HERC1: variants seen among roughly 807,000 people sequenced by gnomAD.
HERC1 encodes the protein probable E3 ubiquitin-protein ligase HERC1.
HERC1 carries 160 observed loss-of-function variants against 554.3 expected under a neutral mutation model. That is an observed-to-expected ratio of 0.29 (90% confidence interval 0.25 to 0.33). The LOEUF is 0.33. HERC1 is among the 10% of genes least tolerant of loss of function. HERC1 has a pLI of 1.00. For missense variants in HERC1, 4,919 were observed against 5,918.5 expected, an observed-to-expected ratio of 0.83 and a Z score of 5.54; for synonymous variants, 2,175 against 2,131.7, an observed-to-expected ratio of 1.02 and a Z score of -0.56.
intron 2 of HERC1, among the ~76,000 whole-genome samples, chr15:63,767,620 C>T (rs532627546): frequency 2.3e-4 from 35 of 152,194 alleles, no homozygotes; most frequent in African/African-American, 7.7e-4. Flanking sequence ...ATCACTTGAA[C>T]CCAGGAGGCG....
In HERC1 at chr15:63,734,507, T is replaced by G; in HGVS notation, c.2646+217A>C. On this transcript the variant is annotated intron_variant, in intron 13 of 77. Transcript: ENST00000443617. This position sits in a 1 kb window ranked among gnomAD's most constrained non-coding sequence, Gnocchi z 4.6. ...GTACCATAAGAAACACTGGAAAAAT[T>G]AGTCCTTATTTTAATAATTAGCCCC... is the stretch of plus-strand genomic sequence containing the variant. 5.8e-6 allele frequency: 2 copies of G among 346,334 alleles called. No individual in the cohort carries two copies. Among genetic ancestry groups the G allele is most frequent in the Non-Finnish European group, 1.0e-5 (2 of 192,526 alleles). The allele number at this position is 346,334 out of a possible 1,614,324, so 21.5% of individuals were successfully genotyped here.
rs370369189 is a variant in HERC1, at chr15:63,674,713, A to G, written c.7475T>C (p.Met2492Thr). The G allele has an allele frequency of 2.2e-5, 35 of 1,613,584 alleles. No individual in the cohort carries two copies. The highest frequency in any genetic ancestry group is 2.9e-5 in the Non-Finnish European group (34 of 1,179,762). Residue 2492 changes from methionine (M) to threonine (T), a missense_variant, in exon 38 of 78, where the codon ATG (methionine) becomes ACG (threonine). Transcript: ENST00000443617. Reference protein sequence around the residue: ...TEGKRKNHEHMSKNHDVAQSE... With the variant: ...TEGKRKNHEHTSKNHDVAQSE... ...CTGGGCTACATCATGGTTTTTGGAC[A>G]TGTGTTCATGATTTTTTCTTTTCCC... is the stretch of plus-strand genomic sequence containing the variant.
chr15:63,739,721 C>T (rs1311879517), intron 12 of HERC1, among the ~76,000 whole-genome samples: 1 of 151,982 alleles, frequency 6.6e-6, no homozygotes, highest in South Asian at 2.1e-4. Context: ...CGCCTGCAGT[C>T]CCGGCTACTC....
Position 63,718,945 on chromosome 15 carries a change from G to T in HERC1, c.3743-48C>A, listed in dbSNP as rs1320329860. The T allele has an allele frequency of 7.7e-7, 1 of 1,303,140 alleles. No homozygotes were observed. The highest frequency in any genetic ancestry group is 1.3e-5 in the South Asian group (1 of 77,376). 80.7% of individuals were successfully genotyped at this position (1,303,140 alleles called of 1,614,324 possible). A position where few individuals can be genotyped will look rare whatever the true frequency, so the allele number is the denominator to read the frequency against. ...GACATTTAAAAGGGCTCAGAAAACA[G>T]TTCAGAGGTAATTTTTATAGCTTTA... On this transcript the variant is annotated intron_variant, in intron 19 of 77. Transcript: ENST00000443617. This position sits in a 1 kb window ranked among gnomAD's most constrained non-coding sequence, Gnocchi z 4.2.
chr15:63,798,986 A>T (rs2144666078), intron 1 of HERC1, among the ~76,000 whole-genome samples: 1 of 152,338 alleles, frequency 6.6e-6, no homozygotes, highest in South Asian at 2.1e-4. Context: ...TTTTTTAAAA[A>T]AGAAGTTGAC....
chr15:63,653,543 T>C (rs1237644569), intron 51 of HERC1, among the ~76,000 whole-genome samples: 1 of 152,232 alleles, frequency 6.6e-6, no homozygotes, highest in African/African-American at 2.4e-5. Flanking sequence ...TTTTGCGTGT[T>C]GTCCTTCAGT....
intron 1 of HERC1, among the ~76,000 whole-genome samples, chr15:63,827,437 A>G (rs1014574097): frequency 6.6e-6 from 1 of 151,802 alleles, no homozygotes. Context: ...AAAAAAAAAG[A>G]CCGAAGAAAA....
chr15:63,625,736 G>A (rs956581455), intron 71 of HERC1, among the ~76,000 whole-genome samples: 16 of 151,332 alleles, frequency 1.1e-4, no homozygotes, highest in Non-Finnish European at 8.8e-5. Flanking sequence ...TGTAGTATGC[G>A]TAGCCATTCA....
intron 2 of HERC1, among the ~76,000 whole-genome samples, chr15:63,766,690 T>C (rs1596196462): frequency 6.6e-6 from 1 of 152,380 alleles, no homozygotes; most frequent in East Asian, 1.9e-4. Context: ...TTTTGTTTTG[T>C]TTTTGAGACA....
In HERC1 at chr15:63,756,268, CA is replaced by C. The variant is rs35972003; in HGVS notation, c.1533+168del. On this transcript the variant is annotated intron_variant, in intron 5 of 77. Transcript: ENST00000443617. The surrounding 1 kb of genome is among the most constrained non-coding windows in gnomAD (Gnocchi z 5.0). ...TTATAAGAATATAAGAATTAAAATT[CA>C]ATAATGTATACAAAGGTGTTCTGTA... is the stretch of plus-strand genomic sequence containing the variant. Among the ~76,000 whole-genome samples the C allele has an allele frequency of 0.48, 72,863 of 151,824 alleles. 18,373 individuals carry two copies. Among genetic ancestry groups the C allele is most frequent in the Non-Finnish European group, 0.55 (37,354 of 67,900 alleles).
At position 63,729,205 on chromosome 15, in the gene HERC1, G is replaced by A. The variant is rs752096021; in HGVS notation, c.3154+31C>T. On this transcript the variant is annotated intron_variant, in intron 16 of 77. Transcript: ENST00000443617. ...CAAGTGTTCTTACTTCTTAATGACT[G>A]ATTAAATTTGAAATGAAATACCAAA... 16 of 1,571,830 alleles carry A rather than the reference G, an allele frequency of 1.0e-5. No individual in the cohort carries two copies. The Admixed American group carries it at 2.9e-4, about 29-fold the overall frequency.
At chr15:63,647,039 G>C (rs1370341054) in intron 55 of HERC1, among the ~76,000 whole-genome samples, 1 of 152,050 alleles carries the variant, frequency 6.6e-6, no homozygotes, top group Non-Finnish European at 1.5e-5. Context: ...TGGATCACTT[G>C]AGGTCAGGAG....
At chr15:63,769,651 C>A (rs535816292) in intron 2 of HERC1, among the ~76,000 whole-genome samples, 1 of 151,830 alleles carries the variant, frequency 6.6e-6, no homozygotes, top group South Asian at 2.1e-4. Context: ...GTCAGGAGTT[C>A]GAGACCAGCC....
At chr15:63,766,799 T>A in intron 2 of HERC1, among the ~76,000 whole-genome samples, 1 of 152,106 alleles carries the variant, frequency 6.6e-6, no homozygotes, top group East Asian at 1.9e-4. Context: ...TGCCTCAGTC[T>A]CCCGAGTAGC....
rs2152856628 is a variant in HERC1 at position 63,644,929 on chromosome 15, A to C, written c.11184+63T>G. ...TGACTTTTTTAGTAACCAAGGGAGAATGACTCTGATGTCATATACTTTCCA... is the reference window on the plus strand; with the variant it reads ...TGACTTTTTTAGTAACCAAGGGAGACTGACTCTGATGTCATATACTTTCCA... On this transcript the variant is annotated intron_variant, in intron 57 of 77. Coordinates refer to ENST00000443617, the MANE Select transcript of HERC1 (RefSeq NM_003922.4). The C allele has an allele frequency of 4.1e-6, 5 of 1,233,394 alleles. No individual in the cohort carries two copies. The East Asian group carries it at 6.9e-5, about 17-fold the overall frequency. The allele number at this position is 1,233,394 out of a possible 1,614,324, so 76.4% of individuals were successfully genotyped here.
chr15:63,615,839 G>T lies in HERC1; in HGVS notation c.14023C>A (p.Leu4675Ile), dbSNP rs758643728. 41 of 1,607,672 alleles carry T rather than the reference G, an allele frequency of 2.6e-5. No individual in the cohort carries two copies. Among genetic ancestry groups the T allele is most frequent in the African/African-American group, 4.0e-5 (3 of 74,548 alleles). ...PIIPGGNSIP[L>I]TFSNRKEYVE... ...TATTCCTTCCTGTTGGAAAATGTGA[G>T]TGGGATACTATTTCCACCAGGGATT... Residue 4675 changes from leucine to isoleucine, a missense_variant, in exon 76 of 78, where the codon CTC becomes ATC. By Grantham distance (5) the Leu-to-Ile change is conservative. Coordinates refer to ENST00000443617, the MANE Select transcript of HERC1 (RefSeq NM_003922.4).
At chr15:63,753,403 T>C (rs1388800065) in intron 7 of HERC1, among the ~76,000 whole-genome samples, 1 of 152,146 alleles carries the variant, frequency 6.6e-6, no homozygotes. Flanking sequence ...TCAAATTTGC[T>C]GACAAAATAT....
chr15:63,654,188 C>T lies in HERC1; in HGVS notation c.10221G>A (p.Gln3407=). The T allele has an allele frequency of 6.2e-7, 1 of 1,614,024 alleles. No homozygotes were observed. Among genetic ancestry groups the T allele is most frequent in the Non-Finnish European group, 8.5e-7 (1 of 1,179,882 alleles). The part of the protein sequence containing the change: ...AHDRDNQTTL[Q]TLADMGGDLR... The stretch of plus-strand genomic sequence containing the variant: ...GATCTCCTCCCATATCAGCAAGTGT[C>T]TGCAGAGTAGTTTGGTTGTCACGGT... The change falls in exon 51 of 78, where the codon CAG becomes CAA. Residue 3407 remains glutamine, a synonymous_variant. Transcript: ENST00000443617.
intron 48 of HERC1, among the ~76,000 whole-genome samples, chr15:63,657,044 C>T (rs764371541): frequency 1.6e-4 from 25 of 152,132 alleles, no homozygotes; most frequent in Admixed American, 4.6e-4. Context: ...TGGATATATA[C>T]CCAGAAGTGG....
Sources: gnomAD v4.1 joint callset for allele counts (sites outside exome capture counted in the v4.1 genomes callset) on GRCh38, gnomAD v4.1.1 for gene constraint, Gnocchi (gnomAD v3.1) non-coding constraint, MANE v1.5 for transcripts, NCBI Gene and HGNC (gene_info 2026-07-23, HGNC 2026-07-21) for gene names.